POLG2: variants seen among roughly 807,000 people sequenced by gnomAD.
POLG2 encodes the protein DNA polymerase subunit gamma-2.
A neutral mutation model predicts 56.5 loss-of-function variants in POLG2; 50 were observed. The ratio of observed to expected loss-of-function variants is 0.88; its 90% CI spans 0.71 to 1.12. The LOEUF (loss-of-function observed/expected upper bound fraction) is 1.12. Among genes scored for constraint, POLG2 ranks in the 50% most tolerant of loss-of-function variants. The probability of loss-of-function intolerance (pLI) is 0.00; values close to 1 mark genes in which losing one functional copy is unlikely to be tolerated. For synonymous variants in POLG2, 226 were observed against 222.6 expected (o/e 1.02, Z -0.14); for missense variants, 584 against 583.3 (o/e 1.00, Z -0.01).
chr17:64,489,116 C>A (rs1340676397), intron 4 of POLG2, among the ~76,000 whole-genome samples: 1 of 147,244 alleles, frequency 6.8e-6, no homozygotes, highest in Non-Finnish European at 1.5e-5. Context: ...GATCCTGGAA[C>A]AATATATTGC....
At chr17:64,487,232 T>C (rs1445307817) in intron 4 of POLG2, 3 of 152,214 alleles carry the variant, frequency 2.0e-5, no homozygotes, top group Admixed American at 6.5e-5. Flanking sequence ...TCACAAGAAT[T>C]TGCCCTCAAA....
At chr17:64,494,895 C>T (rs559327310) in intron 1 of POLG2, among the ~76,000 whole-genome samples, 1 of 152,142 alleles carries the variant, frequency 6.6e-6, no homozygotes, top group Non-Finnish European at 1.5e-5. Context: ...ATCTGGAGGC[C>T]GGGCGCAGTG....
At chr17:64,482,327 CT>C (rs60268133) in intron 6 of POLG2, among the ~76,000 whole-genome samples, 5,739 of 128,448 alleles carry the variant, frequency 0.045, 110 homozygotes, top group Middle Eastern at 0.13. Context: ...AAATTAAAAA[CT>C]TTTTTTTTTT....
At chr17:64,491,541 G>A (rs2038058192) in intron 3 of POLG2, 4 of 1,548,202 alleles carry the variant, frequency 2.6e-6, no homozygotes, top group Non-Finnish European at 3.6e-6. Flanking sequence ...AGTTGTACCA[G>A]TGAAGGACAA....
chr17:64,491,132 ATTT>A (rs56152158), intron 3 of POLG2, among the ~76,000 whole-genome samples, 163 bp from the exon 4 acceptor site: 2 of 151,644 alleles, frequency 1.3e-5, no homozygotes, highest in South Asian at 4.2e-4. Context: ...TCTAATTTAC[ATTT>A]TTTTTTGAGA....
chr17:64,492,986 C>A lies in POLG2; in HGVS notation c.598G>T (p.Val200Leu). 6.2e-7 allele frequency: 1 copy of A among 1,614,024 alleles called. No individual in the cohort carries two copies. The highest frequency in any genetic ancestry group is 8.5e-7 in the Non-Finnish European group (1 of 1,179,910). ...LEHYVNCLDLVNKRLPYGLAQ... is the reference protein window; with the variant it reads ...LEHYVNCLDLLNKRLPYGLAQ... ...AGGCCATAAGGTAGCCTCTTGTTTA[C>A]CAGATCCAGGCAATTAACATAGTGT... Residue 200 changes from valine (V) to leucine (L), a missense_variant, in exon 2 of 8, where the codon GTA becomes TTA. Val to Leu is a conservative substitution (Grantham distance 32). Coordinates refer to ENST00000539111, the MANE Select transcript of POLG2 (RefSeq NM_007215.4).
At chr17:64,487,051 TTAAA>T (rs782820653) in intron 4 of POLG2, 18 of 152,254 alleles carry the variant, frequency 1.2e-4, no homozygotes, top group Middle Eastern at 3.4e-3. Context: ...TTAAAAATAC[TTAAA>T]TAACCACCTT....
In POLG2 at chr17:64,496,591, GA is replaced by G; in HGVS notation, c.377del (p.Phe126SerfsTer22). The G allele has an allele frequency of 6.2e-7, 1 of 1,613,666 alleles. No homozygotes were observed. The highest frequency in any genetic ancestry group is 8.5e-7 in the Non-Finnish European group (1 of 1,179,638). On this transcript the variant is annotated frameshift_variant, in exon 1 of 8. Coordinates refer to ENST00000539111, the MANE Select transcript of POLG2 (RefSeq NM_007215.4). LOFTEE classifies it high-confidence loss of function. ...GTTTGTGGTGGAGGGCGTCCACCGG[GA>G]ATACCTGCTCCCTGAACACCACCAC... ...TSVVVFREQV[F>X]PVDALHHKPG...
At chr17:64,485,672 A>C in intron 5 of POLG2, 56 bp downstream of exon 5, 2 of 1,380,198 alleles carry the variant, frequency 1.4e-6, no homozygotes, top group Non-Finnish European at 1.0e-6. Context: ...AACATTAAGA[A>C]CAAACAAACC....
intron 4 of POLG2, among the ~76,000 whole-genome samples, chr17:64,487,666 G>A (rs1253699731): frequency 2.7e-5 from 4 of 150,646 alleles, no homozygotes; most frequent in African/African-American, 9.7e-5. Flanking sequence ...AGATTCTGTG[G>A]TGCGCTTTGA....
At chr17:64,478,773 T>C (rs1329126654) in intron 7 of POLG2, among the ~76,000 whole-genome samples, 1 of 151,930 alleles carries the variant, frequency 6.6e-6, no homozygotes, top group African/African-American at 2.4e-5. Context: ...GGCAGGCGCA[T>C]GTAATCCCAG....
chr17:64,496,841 T>C lies in POLG2; in HGVS notation c.128A>G (p.His43Arg). The change falls in exon 1 of 8, where the codon CAT becomes CGT. Residue 43 changes from histidine (H) to arginine (R), a missense_variant. Coordinates refer to ENST00000539111, the MANE Select transcript of POLG2 (RefSeq NM_007215.4). The stretch of plus-strand genomic sequence containing the variant: ...CTCGAGCTCCGCGTGCGACTTCACA[T>C]GCCCTCCTTTGGGGCTACTCCTTTC... The part of the protein sequence containing the change: ...LTERSSPKGG[H>R]VKSHAELEGN... 1 of 1,613,850 alleles carries C rather than the reference T, an allele frequency of 6.2e-7. No homozygotes were observed. The highest frequency in any genetic ancestry group is 8.5e-7 in the Non-Finnish European group (1 of 1,180,014).
At position 64,485,888 on chromosome 17, in the gene POLG2, A is replaced by G; in HGVS notation, c.970-20T>C. ...TCGGCCCTTCACAGAAAAACAGAAG[A>G]AAAATAATCATTTCACAGAACTTTT... On this transcript the variant is annotated intron_variant, in intron 4 of 7. Transcript: ENST00000539111. 1 of 1,613,300 alleles carries G rather than the reference A, an allele frequency of 6.2e-7. No homozygotes were observed. Among genetic ancestry groups the G allele is most frequent in the Non-Finnish European group, 8.5e-7 (1 of 1,179,272 alleles).
chr17:64,492,069 CT>C, intron 3 of POLG2, among the ~76,000 whole-genome samples: 1 of 152,038 alleles, frequency 6.6e-6, no homozygotes, highest in Non-Finnish European at 1.5e-5. Context: ...GTTATCCAGA[CT>C]TTTATGGCCA....
At chr17:64,487,124 GCTT>G (rs2037970491) in intron 4 of POLG2, 1 of 150,894 alleles carries the variant, frequency 6.6e-6, no homozygotes, top group Admixed American at 6.6e-5. Context: ...TAAATCCTCA[GCTT>G]CTGTTAATTA....
At chr17:64,488,083 G>C (rs1284267605) in intron 4 of POLG2, among the ~76,000 whole-genome samples, 4 of 151,938 alleles carry the variant, frequency 2.6e-5, no homozygotes, top group Admixed American at 2.6e-4. Flanking sequence ...GGCCTAAGAG[G>C]CTGGGTGCAG....
chr17:64,478,577 T>G (rs906074248), intron 7 of POLG2, among the ~76,000 whole-genome samples: 1 of 152,214 alleles, frequency 6.6e-6, no homozygotes, highest in Admixed American at 6.5e-5. Flanking sequence ...TTATTGTCTA[T>G]TTTGTCCTAC....
intron 2 of POLG2, 37 bp downstream of exon 2, chr17:64,492,858 T>C: frequency 1.9e-6 from 3 of 1,612,822 alleles, no homozygotes; most frequent in Admixed American, 1.7e-5. Context: ...TTTTGACTAT[T>C]TAAATACAAG....
Position 64,496,972 on chromosome 17 carries a change from T to G in POLG2, c.-4A>C. 1 of 1,603,120 alleles carries G rather than the reference T, an allele frequency of 6.2e-7. No individual in the cohort carries two copies. Among genetic ancestry groups the G allele is most frequent in the East Asian group, 2.2e-5 (1 of 44,862 alleles). ...TGACGGCTACACGAGAGCGCATCTC[T>G]CTCCGAAGTTAAAGAGCACACTCTC... On this transcript the variant is annotated 5_prime_UTR_variant, in exon 1 of 8. Coordinates refer to ENST00000539111, the MANE Select transcript of POLG2 (RefSeq NM_007215.4).
Sources: allele counts gnomAD v4.1 joint callset (sites outside exome capture counted in the v4.1 genomes callset), GRCh38; gene constraint gnomAD v4.1.1; transcripts MANE v1.5; gene names NCBI Gene and HGNC (gene_info 2026-07-23, HGNC 2026-07-21).